Variants in RNF123 observed in about 807,000 individuals in gnomAD.
The protein encoded by RNF123 is E3 ubiquitin-protein ligase RNF123.
A neutral mutation model predicts 168.5 loss-of-function variants in RNF123; 86 were observed. The ratio of observed to expected loss-of-function variants is 0.51; its 90% CI spans 0.43 to 0.61. RNF123 has a LOEUF of 0.61. Among genes scored for constraint, RNF123 ranks in the 20% least tolerant of loss-of-function variants. The pLI is 0.00. For missense variants in RNF123, 1,419 were observed against 1,729.7 expected (o/e 0.82, Z 3.19); for synonymous variants, 666 against 689.1 (o/e 0.97, Z 0.52).
rs1031028816 is a variant in RNF123, at chr3:49,706,080, G to A, written c.2388+15G>A. The A allele has an allele frequency of 1.2e-6, 2 of 1,611,084 alleles. No individual in the cohort carries two copies. Among genetic ancestry groups the A allele is most frequent in the African/African-American group, 1.3e-5 (1 of 74,886 alleles). Reference sequence around the variant, plus strand: ...GCCCCAAGAGGGTAAGGCCCACATAGTCTTGGTGAGGGGCAGCTTGCTTAC... The same window carrying A: ...GCCCCAAGAGGGTAAGGCCCACATAATCTTGGTGAGGGGCAGCTTGCTTAC... On this transcript the variant is annotated intron_variant, in intron 25 of 38. Transcript: ENST00000327697.
rs756163076 is a variant in RNF123 at position 49,691,296 on chromosome 3, G to A, written c.82+49G>A. 35 of 1,602,304 alleles carry A rather than the reference G, an allele frequency of 2.2e-5. No homozygotes were observed. In the East Asian group the frequency reaches 7.8e-4, roughly 36 times the overall value. On this transcript the variant is annotated intron_variant, in intron 2 of 38. Transcript: ENST00000327697. ...GAGGCTCCTCTTGTTGGGAGGAGAA[G>A]GAAGGGACAAAGGCCTCAGGCCTTG...
intron 23 of RNF123, 132 bp from the exon 24 acceptor site, chr3:49,705,402 G>T (rs2054495364): frequency 7.4e-7 from 1 of 1,352,768 alleles, no homozygotes; most frequent in South Asian, 1.5e-5. Context: ...CTACCCCCAT[G>T]CCCCCATGGG....
chr3:49,699,359 C>A lies in RNF123; in HGVS notation c.765-109C>A. ...GAGAATAAGTGGGCAAGTTGTGATG[C>A]AAACCAGCCCTGCCCTAGAGCCCAG... On this transcript the variant is annotated intron_variant, in intron 10 of 38. Transcript: ENST00000327697. The surrounding 1 kb of genome is among the most constrained non-coding windows in gnomAD (Gnocchi z 4.8). The A allele has an allele frequency of 9.4e-7, 1 of 1,062,246 alleles. No individual in the cohort carries two copies. The highest frequency in any genetic ancestry group is 1.4e-6 in the Non-Finnish European group (1 of 726,094). 65.8% of individuals were successfully genotyped at this position (1,062,246 alleles called of 1,614,324 possible).
Position 49,715,841 on chromosome 3 carries a change from G to T in RNF123, c.3170G>T (p.Arg1057Leu). The T allele has an allele frequency of 1.2e-6, 2 of 1,614,104 alleles. No individual in the cohort carries two copies. The highest frequency in any genetic ancestry group is 1.7e-5 in the Admixed American group (1 of 60,030). ...GCTCAGATCCAGCAGGCTGCTGAGCGCCTGGAGCGGAACTTTGTGGACAGC... is the reference window on the plus strand; with the variant it reads ...GCTCAGATCCAGCAGGCTGCTGAGCTCCTGGAGCGGAACTTTGTGGACAGC... ...MIQEIQQAAE[R>L]LERNFVDSRQ... is the part of the protein sequence containing the mutation. The change falls in exon 33 of 39, where the codon CGC becomes CTC. Residue 1057 changes from arginine to leucine, a missense_variant. Transcript: ENST00000327697.
chr3:49,712,704 G>T lies in RNF123; in HGVS notation c.2674+48G>T, dbSNP rs748557659. 3 of 1,596,804 alleles carry T rather than the reference G, an allele frequency of 1.9e-6. No individual in the cohort carries two copies. In the South Asian group the frequency reaches 3.3e-5, roughly 18 times the overall value. Reference sequence around the variant, plus strand: ...GGCAGAAGCAGAAAAGGGGTCTCTAGTGTGAGCCCTAGGAGCCCTGGTCTG... The same window carrying T: ...GGCAGAAGCAGAAAAGGGGTCTCTATTGTGAGCCCTAGGAGCCCTGGTCTG... On this transcript the variant is annotated intron_variant, in intron 27 of 38. Transcript: ENST00000327697.
chr3:49,691,154 G>A lies in RNF123; in HGVS notation c.-12G>A. ...GCCCCCAGGACCACTGGCTGCCCATGAGAGATGAAGGATGGCATCCAAGGG... is the reference window on the plus strand; with the variant it reads ...GCCCCCAGGACCACTGGCTGCCCATAAGAGATGAAGGATGGCATCCAAGGG... On this transcript the variant is annotated 5_prime_UTR_variant, in exon 2 of 39. The change abolishes an upstream ATG in the 5' untranslated region. Transcript: ENST00000327697. The A allele has an allele frequency of 3.7e-6, 6 of 1,613,242 alleles. No homozygotes were observed. The highest frequency in any genetic ancestry group is 5.1e-6 in the Non-Finnish European group (6 of 1,179,318).
chr3:49,698,628 G>A (rs2054315292), intron 8 of RNF123, 102 bp downstream of exon 8: 1 of 1,540,942 alleles, frequency 6.5e-7, no homozygotes, highest in South Asian at 1.1e-5. Flanking sequence ...CCAGGGAAGG[G>A]TCAGGGACCC....
At chr3:49,697,015 A>T (rs2054282317) in intron 3 of RNF123, 128 bp from the exon 4 acceptor site, 1 of 781,078 alleles carries the variant, frequency 1.3e-6, no homozygotes, top group African/African-American at 1.7e-5. Context: ...AGAGTCTAGG[A>T]CTAGGCACAG....
chr3:49,699,895 C>T lies in RNF123; in HGVS notation c.984+123C>T. ...TCCCACAGCATCACCTGGCGAGGGC[C>T]CCATGTGACCAGGGCCCTCAGACCT... is the stretch of plus-strand genomic sequence containing the variant. On this transcript the variant is annotated intron_variant, in intron 12 of 38. Coordinates refer to ENST00000327697, the MANE Select transcript of RNF123 (RefSeq NM_022064.5). This position sits in a 1 kb window ranked among gnomAD's most constrained non-coding sequence, Gnocchi z 4.8. The T allele has an allele frequency of 1.0e-6, 1 of 984,956 alleles. No homozygotes were observed. The allele number at this position is 984,956 out of a possible 1,614,324, so 61.0% of individuals were successfully genotyped here.
At chr3:49,698,294 C>A in intron 7 of RNF123, 146 bp from the exon 8 acceptor site, 1 of 926,838 alleles carries the variant, frequency 1.1e-6, no homozygotes, top group Non-Finnish European at 1.7e-6. Flanking sequence ...TCCCAGGCAC[C>A]CCAGCTCAGA....
chr3:49,711,578 T>A (rs973060958), intron 26 of RNF123, among the ~76,000 whole-genome samples: 1 of 152,140 alleles, frequency 6.6e-6, no homozygotes, highest in African/African-American at 2.4e-5. Flanking sequence ...CCCTAACCTC[T>A]TGCTTACATC....
rs2054451539 is a variant in RNF123 at position 49,703,538 on chromosome 3, G to A, written c.1852+10G>A. Reference sequence around the variant, plus strand: ...CGGAAGACCCTCAAAGGTGTGTACAGGCCTGTGGGCCGGGAGCAGTTCTGG... The same window carrying A: ...CGGAAGACCCTCAAAGGTGTGTACAAGCCTGTGGGCCGGGAGCAGTTCTGG... On this transcript the variant is annotated intron_variant, in intron 21 of 38. Coordinates refer to ENST00000327697, the MANE Select transcript of RNF123 (RefSeq NM_022064.5). The A allele has an allele frequency of 6.2e-7, 1 of 1,609,556 alleles. No homozygotes were observed. The highest frequency in any genetic ancestry group is 1.7e-5 in the Admixed American group (1 of 59,768).
rs760657296 is a variant in RNF123, at chr3:49,706,776, C to T, written c.2389-15C>T. On this transcript the variant is annotated splice_polypyrimidine_tract_variant and intron_variant, in intron 25 of 38. Transcript: ENST00000327697. ...GGCCATGTCTTGATTGTCCTCCTTT[C>T]CCCTTGGGTGGCAGAGGAAGGACAT... is the stretch of plus-strand genomic sequence containing the variant. The T allele has an allele frequency of 3.1e-6, 5 of 1,609,830 alleles. No homozygotes were observed. In the East Asian group the frequency reaches 8.9e-5, roughly 29 times the overall value.
chr3:49,720,652 C>A lies in RNF123; in HGVS notation c.3642C>A (p.Ser1214Arg). Residue 1214 changes from serine (S) to arginine (R), a missense_variant and splice_region_variant, in exon 36 of 39, where the codon AGC becomes AGA. Coordinates refer to ENST00000327697, the MANE Select transcript of RNF123 (RefSeq NM_022064.5). The stretch of plus-strand genomic sequence containing the variant: ...ACCGGAAGCGCTTCTCCCTGCAGAG[C>A]TGTGAGTGGGCTGGTGGGGCAGGTC... ...APDRKRFSLQ[S>R]YADYISADEL... 2.5e-6 allele frequency: 4 copies of A among 1,598,540 alleles called. No individual in the cohort carries two copies. The highest frequency in any genetic ancestry group is 3.4e-6 in the Non-Finnish European group (4 of 1,169,194).
chr3:49,699,331 A>T lies in RNF123; in HGVS notation c.765-137A>T. 1 of 933,658 alleles carries T rather than the reference A, an allele frequency of 1.1e-6. No homozygotes were observed. The highest frequency in any genetic ancestry group is 1.6e-6 in the Non-Finnish European group (1 of 613,396). 57.8% of individuals were successfully genotyped at this position (933,658 alleles called of 1,614,324 possible). ...ATGAGGAATGTGAAGCATCCTCCCT[A>T]GGGAGAATAAGTGGGCAAGTTGTGA... is the stretch of plus-strand genomic sequence containing the variant. On this transcript the variant is annotated intron_variant, in intron 10 of 38. Transcript: ENST00000327697. This position sits in a 1 kb window ranked among gnomAD's most constrained non-coding sequence, Gnocchi z 4.8.
intron 26 of RNF123, among the ~76,000 whole-genome samples, chr3:49,712,101 T>G (rs571374684): frequency 6.6e-6 from 1 of 152,206 alleles, no homozygotes; most frequent in African/African-American, 2.4e-5. Flanking sequence ...ATCACATACC[T>G]GTAGTCCCAG....
rs1301711570 is a variant in RNF123, at chr3:49,704,638, T to G, written c.1853-12T>G. On this transcript the variant is annotated splice_polypyrimidine_tract_variant and intron_variant, in intron 21 of 38. Coordinates refer to ENST00000327697, the MANE Select transcript of RNF123 (RefSeq NM_022064.5). The stretch of plus-strand genomic sequence containing the variant: ...ACCACTGGCCTGAGAACCCTCCTGC[T>G]CTTCCTCCCAGATGACCTTGCTTCC... 1 of 1,604,970 alleles carries G rather than the reference T, an allele frequency of 6.2e-7. No homozygotes were observed. Among genetic ancestry groups the G allele is most frequent in the Non-Finnish European group, 8.5e-7 (1 of 1,175,556 alleles).
chr3:49,718,397 G>A (rs1403036543), intron 35 of RNF123: 1 of 1,613,166 alleles, frequency 6.2e-7, no homozygotes, highest in Non-Finnish European at 8.5e-7. Context: ...TGCAGGCGGG[G>A]CCCAGTGGCC....
At chr3:49,702,287 G>GCA (rs755882802) in intron 18 of RNF123, 47 bp from the exon 19 acceptor site, 1 of 1,606,104 alleles carries the variant, frequency 6.2e-7, no homozygotes, top group South Asian at 1.1e-5. Flanking sequence ...CCCAGTCTGG[G>GCA]CCTGCATTCT....
Sources: allele counts gnomAD v4.1 joint callset (sites outside exome capture counted in the v4.1 genomes callset), GRCh38; gene constraint gnomAD v4.1.1; non-coding constraint Gnocchi (gnomAD v3.1); transcripts MANE v1.5; gene names NCBI Gene and HGNC (gene_info 2026-07-23, HGNC 2026-07-21).